The following PFKFB3 variants were observed in gnomAD, a reference collection of about 807,000 sequenced individuals.
The protein encoded by PFKFB3 is 6-phosphofructo-2-kinase/fructose-2,6-biphosphatase 3, also known as 6-phosphofructo-2-kinase/fructose-2,6-bisphosphatase 3.
Under a neutral mutation model 68.0 loss-of-function variants are expected in PFKFB3, and 33 were observed. That is an observed-to-expected ratio of 0.49 (90% CI 0.37 to 0.65). The LOEUF (loss-of-function observed/expected upper bound fraction) is 0.65. Among genes scored for constraint, PFKFB3 ranks in the 30% least tolerant of loss-of-function variants. The pLI, the probability that PFKFB3 is intolerant of heterozygous loss-of-function variation, is 0.00. For missense variants in PFKFB3, 586 were observed against 712.2 expected (o/e 0.82, Z 2.02); for synonymous variants, 315 against 288.2 (o/e 1.09, Z -0.94).
intron 1 of PFKFB3, among the ~76,000 whole-genome samples, chr10:6,204,942 T>C (rs1843586159): frequency 6.6e-6 from 1 of 152,212 alleles, no homozygotes; most frequent in Non-Finnish European, 1.5e-5. Context: ...TCTGTTGGCA[T>C]CAGCTCAGTT....
chr10:6,221,638 C>T lies in PFKFB3; in HGVS notation c.979-3C>T. 6.2e-7 allele frequency: 1 copy of T among 1,610,316 alleles called. No homozygotes were observed. ...CCCCTGAGTGACCACTGGGTCCCCG[C>T]AGGGCGTCTGTGAGGAGCTGACCTA... On this transcript the variant is annotated splice_region_variant and splice_polypyrimidine_tract_variant and intron_variant, in intron 9 of 14. Transcript: ENST00000379775.
intron 14 of PFKFB3, among the ~76,000 whole-genome samples, chr10:6,248,838 A>G (rs1380993016): frequency 6.6e-6 from 1 of 152,168 alleles, no homozygotes; most frequent in Non-Finnish European, 1.5e-5. Flanking sequence ...GCTATTGTCA[A>G]AAAGACAAAT....
chr10:6,178,067 G>T (rs1259215013), intron 1 of PFKFB3, among the ~76,000 whole-genome samples: 1 of 152,218 alleles, frequency 6.6e-6, no homozygotes, highest in Non-Finnish European at 1.5e-5. Context: ...GGGAGCCAAG[G>T]CGTCCAAGGA....
chr10:6,263,236 A>G, the PFKFB3 span, among the ~76,000 whole-genome samples: 2 of 152,258 alleles, frequency 1.3e-5, no homozygotes, highest in African/African-American at 4.8e-5. Flanking sequence ...AGGTTGGGCT[A>G]GTTAACTGCA....
intron 14 of PFKFB3, chr10:6,231,577 G>A (rs1192881941): frequency 1.0e-6 from 1 of 985,406 alleles, no homozygotes; most frequent in Non-Finnish European, 1.2e-6. Context: ...ACCTGTGGGT[G>A]CCGGAAGCTG....
the PFKFB3 span, among the ~76,000 whole-genome samples, chr10:6,322,727 G>C: frequency 6.6e-6 from 1 of 152,108 alleles, no homozygotes; most frequent in African/African-American, 2.4e-5. Flanking sequence ...AGTCTTCTTT[G>C]GTCTCTTCTC....
intron 14 of PFKFB3, among the ~76,000 whole-genome samples, chr10:6,243,787 G>A (rs560078465): frequency 3.9e-5 from 6 of 152,304 alleles, no homozygotes; most frequent in Non-Finnish European, 5.9e-5. Context: ...GCAGTGGCAC[G>A]ATTATAGCTC....
intron 1 of PFKFB3, among the ~76,000 whole-genome samples, chr10:6,145,775 C>A (rs1020604314): frequency 6.6e-6 from 1 of 152,214 alleles, no homozygotes; most frequent in Non-Finnish European, 1.5e-5. Flanking sequence ...GCGGCCCGGC[C>A]CCTCCTGCAG....
the PFKFB3 span, among the ~76,000 whole-genome samples, chr10:6,260,236 C>A: frequency 6.6e-6 from 1 of 151,860 alleles, no homozygotes; most frequent in Non-Finnish European, 1.5e-5. Context: ...ACACGTGAAA[C>A]CCCGTCTCTA....
the PFKFB3 span, among the ~76,000 whole-genome samples, chr10:6,285,150 A>G: frequency 6.6e-6 from 1 of 152,060 alleles, no homozygotes; most frequent in East Asian, 1.9e-4. Context: ...TAAGGTTTTG[A>G]GGAAATGCCA....
chr10:6,303,955 G>C, the PFKFB3 span, among the ~76,000 whole-genome samples: 1 of 152,084 alleles, frequency 6.6e-6, no homozygotes, highest in East Asian at 1.9e-4. Flanking sequence ...ACCTGTGGCT[G>C]GCTGGACCCA....
downstream of PFKFB3, among the ~76,000 whole-genome samples, chr10:6,240,339 A>G (rs368942555): frequency 1.3e-5 from 2 of 152,190 alleles, no homozygotes; most frequent in African/African-American, 4.8e-5. Context: ...ATCTCGGCTC[A>G]CTGGAAACTC....
At chr10:6,168,217 T>A (rs1842198667) in intron 1 of PFKFB3, among the ~76,000 whole-genome samples, 1 of 152,182 alleles carries the variant, frequency 6.6e-6, no homozygotes, top group East Asian at 1.9e-4. Context: ...CATGAGGTAG[T>A]GAGTCCTGGA....
chr10:6,220,777 C>T lies in PFKFB3; in HGVS notation c.743C>T (p.Thr248Ile), dbSNP rs1287358325. The change falls in exon 8 of 15, where the codon ACC becomes ATC. Residue 248 changes from threonine to isoleucine, a missense_variant. By Grantham distance (89) the Thr-to-Ile change is moderately conservative (BLOSUM62 -1). Coordinates refer to ENST00000379775, the MANE Select transcript of PFKFB3 (RefSeq NM_004566.4). The surrounding 1 kb of genome is among the most constrained non-coding windows in gnomAD (Gnocchi z 4.1). The part of the protein sequence containing the change: ...YLMNIHVQPR[T>I]IYLCRHGENE... ...ATGAACATCCACGTGCAGCCGCGTA[C>T]CATCTACCTGTGCCGGCACGGCGAG... is the stretch of plus-strand genomic sequence containing the variant. 2.5e-6 allele frequency: 4 copies of T among 1,614,038 alleles called. No individual in the cohort carries two copies. The highest frequency in any genetic ancestry group is 3.4e-6 in the Non-Finnish European group (4 of 1,180,050).
intron 1 of PFKFB3, among the ~76,000 whole-genome samples, chr10:6,167,324 C>T (rs984805230): frequency 2.0e-5 from 3 of 152,366 alleles, no homozygotes; most frequent in Admixed American, 6.5e-5. Flanking sequence ...TCTCATTCAG[C>T]TCTGCGGTCC....
chr10:6,243,404 G>A (rs1316037197), intron 14 of PFKFB3, among the ~76,000 whole-genome samples: 2 of 152,202 alleles, frequency 1.3e-5, no homozygotes, highest in Non-Finnish European at 2.9e-5. Flanking sequence ...GGAATGGCAA[G>A]CATAGAGAGA....
chr10:6,235,875 T>G (rs1232647570), downstream of PFKFB3, among the ~76,000 whole-genome samples: 1 of 151,828 alleles, frequency 6.6e-6, no homozygotes, highest in Non-Finnish European at 1.5e-5. Flanking sequence ...CAAGCAATTC[T>G]CGTGCCTTAG....
chr10:6,279,461 T>G, the PFKFB3 span, among the ~76,000 whole-genome samples: 1 of 152,230 alleles, frequency 6.6e-6, no homozygotes, highest in African/African-American at 2.4e-5. Context: ...TTTTTCCTGT[T>G]CATCATATTA....
chr10:6,250,814 A>AT (rs1846364326), intron 14 of PFKFB3, among the ~76,000 whole-genome samples: 4 of 152,196 alleles, frequency 2.6e-5, no homozygotes, highest in Non-Finnish European at 5.9e-5. Context: ...TTAATAAATG[A>AT]CCCAGTCCCA....
Sources: gnomAD v4.1 joint callset for allele counts (sites outside exome capture counted in the v4.1 genomes callset) on GRCh38, gnomAD v4.1.1 for gene constraint, Gnocchi (gnomAD v3.1) non-coding constraint, MANE v1.5 for transcripts, NCBI Gene and HGNC (gene_info 2026-07-23, HGNC 2026-07-21) for gene names.